Variants in PTPRD observed in about 807,000 individuals in gnomAD.
The protein encoded by PTPRD is protein tyrosine phosphatase receptor type D.
In PTPRD, 34 loss-of-function variants were observed where a neutral mutation model predicts 214.5. That is an observed-to-expected ratio of 0.16 (90% confidence interval 0.12 to 0.21). The LOEUF (loss-of-function observed/expected upper bound fraction) is 0.21. Ranked by LOEUF, PTPRD falls within the 10% of genes least tolerant of loss-of-function variation. PTPRD has a pLI of 1.00. For missense variants in PTPRD, 2,545 were observed against 2,398.7 expected (o/e 1.06, Z -1.27); for synonymous variants, 1,128 against 845.7 (o/e 1.33, Z -5.79).
intron 5 of PTPRD, among the ~76,000 whole-genome samples, chr9:9,848,229 G>C (rs959384523): frequency 1.3e-5 from 2 of 152,040 alleles, no homozygotes; most frequent in Non-Finnish European, 2.9e-5. Flanking sequence ...TAGCTGTAAA[G>C]CCACAGATTC....
chr9:9,797,764 C>G (rs939898555), intron 5 of PTPRD, among the ~76,000 whole-genome samples: 7 of 152,132 alleles, frequency 4.6e-5, no homozygotes, highest in African/African-American at 1.7e-4. Flanking sequence ...AGGAGATTCA[C>G]TTGACCCCAG....
At chr9:9,222,218 G>C (rs556759241) in intron 9 of PTPRD, among the ~76,000 whole-genome samples, 1 of 151,882 alleles carries the variant, frequency 6.6e-6, no homozygotes, top group Non-Finnish European at 1.5e-5. Context: ...GCCTGTGATA[G>C]ACCACTAGAT....
intron 12 of PTPRD, among the ~76,000 whole-genome samples, chr9:8,637,267 G>A (rs1227511804): frequency 6.6e-6 from 1 of 152,182 alleles, no homozygotes; most frequent in African/African-American, 2.4e-5. Flanking sequence ...CCACTGCTGA[G>A]CTATTAAAAT....
At chr9:8,484,014 C>G in intron 30 of PTPRD, 105 bp downstream of exon 30, 1 of 1,397,764 alleles carries the variant, frequency 7.2e-7, no homozygotes, top group Non-Finnish European at 9.6e-7. Context: ...GAATCTTTCA[C>G]TACATTAAGC....
chr9:9,535,195 G>A (rs189874360), intron 8 of PTPRD, among the ~76,000 whole-genome samples: 217 of 152,192 alleles, frequency 1.4e-3, no homozygotes, highest in African/African-American at 4.8e-3. Flanking sequence ...TTCCCCCAGA[G>A]AGACGAGACT....
In PTPRD at chr9:10,492,481, T is replaced by A. The variant is rs146276926; in HGVS notation, c.-600+119917A>T. ...GTGACCAGGGATGATTAGCTTTTTT[T>A]CATATGTTTATTGGCCACATAAATG... is the stretch of plus-strand genomic sequence containing the variant. On this transcript the variant is annotated intron_variant, in intron 2 of 45. Coordinates refer to ENST00000381196, the MANE Select transcript of PTPRD (RefSeq NM_002839.4). 6.3e-3 allele frequency among the ~76,000 whole-genome samples: 965 copies of A among 152,316 alleles called. 8 individuals carry two copies. Among genetic ancestry groups the A allele is most frequent in the African/African-American group, 0.021 (893 of 41,574 alleles).
At chr9:9,716,419 G>T (rs1171510602) in intron 7 of PTPRD, among the ~76,000 whole-genome samples, 2 of 151,808 alleles carry the variant, frequency 1.3e-5, no homozygotes, top group African/African-American at 4.8e-5. Flanking sequence ...GATCCCTGAG[G>T]AATCGCCACA....
At chr9:10,590,242 G>A (rs2075077857) in intron 2 of PTPRD, among the ~76,000 whole-genome samples, 1 of 151,988 alleles carries the variant, frequency 6.6e-6, no homozygotes, top group Admixed American at 6.6e-5. Context: ...ACAGGTAGTA[G>A]TTGGAAAATG....
intron 3 of PTPRD, among the ~76,000 whole-genome samples, chr9:10,180,698 T>C (rs961046160): frequency 6.6e-6 from 1 of 151,272 alleles, no homozygotes; most frequent in Non-Finnish European, 1.5e-5. Context: ...ATCAACAGTA[T>C]ATTATTAAAA....
intron 3 of PTPRD, among the ~76,000 whole-genome samples, chr9:10,143,052 C>T (rs2098997582): frequency 6.6e-6 from 1 of 151,906 alleles, no homozygotes; most frequent in Admixed American, 6.6e-5. Flanking sequence ...CATATTGTCA[C>T]TCATAGGTGG....
At chr9:10,122,302 C>T (rs764977535) in intron 3 of PTPRD, among the ~76,000 whole-genome samples, 1 of 151,960 alleles carries the variant, frequency 6.6e-6, no homozygotes, top group Non-Finnish European at 1.5e-5. Flanking sequence ...AGCAAAACTC[C>T]ATCTCAAAAA....
chr9:8,337,557 A>G (rs1224871407), intron 43 of PTPRD, among the ~76,000 whole-genome samples: 1 of 152,000 alleles, frequency 6.6e-6, no homozygotes, highest in Non-Finnish European at 1.5e-5. Flanking sequence ...AAATTATGTA[A>G]CAAACCTGCA....
intron 11 of PTPRD, among the ~76,000 whole-genome samples, chr9:8,762,749 G>C (rs980815467): frequency 6.6e-6 from 1 of 152,078 alleles, no homozygotes; most frequent in Non-Finnish European, 1.5e-5. Context: ...TAACCCATAG[G>C]AAAAACGTCT....
At chr9:8,604,593 C>T (rs915598811) in intron 14 of PTPRD, among the ~76,000 whole-genome samples, 10 of 152,242 alleles carry the variant, frequency 6.6e-5, no homozygotes, top group African/African-American at 2.4e-4. Flanking sequence ...AGTCAAGGAA[C>T]AGATGCCAAA....
At chr9:9,031,953 T>G (rs2154377295) in intron 10 of PTPRD, among the ~76,000 whole-genome samples, 1 of 152,196 alleles carries the variant, frequency 6.6e-6, no homozygotes, top group Middle Eastern at 3.4e-3. Context: ...TTGATTCTTT[T>G]ATATTTATTA....
chr9:9,509,023 T>TA (rs2096636261), intron 8 of PTPRD, among the ~76,000 whole-genome samples: 1 of 151,442 alleles, frequency 6.6e-6, no homozygotes, highest in Admixed American at 6.6e-5. Flanking sequence ...AATATGGTTG[T>TA]AAAACCTTTC....
intron 3 of PTPRD, among the ~76,000 whole-genome samples, chr9:10,238,217 G>A (rs564704119): frequency 7.9e-5 from 12 of 151,880 alleles, no homozygotes; most frequent in Admixed American, 2.0e-4. Flanking sequence ...GGCACATAAC[G>A]TTGCTTCAAT....
Position 8,564,159 on chromosome 9 carries a change from T to C in PTPRD, c.353-35380A>G, listed in dbSNP as rs1011153885. On this transcript the variant is annotated intron_variant, in intron 14 of 45. Coordinates refer to ENST00000381196, the MANE Select transcript of PTPRD (RefSeq NM_002839.4). ...TCTGGAGGATAAGCAACCAATACAC[T>C]ATATGTACTGTGTTTCCTGATTATT... Among the ~76,000 whole-genome samples the C allele has an allele frequency of 8.3e-3, 10 of 1,206 alleles. No homozygotes were observed. The African/African-American group carries it at 0.094, about 11-fold the overall frequency. 0.8% of individuals were successfully genotyped at this position (1,206 alleles called of 152,430 possible). A position where few individuals can be genotyped will look rare whatever the true frequency, so the allele number is the denominator to read the frequency against.
intron 8 of PTPRD, among the ~76,000 whole-genome samples, chr9:9,477,276 C>G (rs1274001792): frequency 6.6e-6 from 1 of 152,148 alleles, no homozygotes; most frequent in Non-Finnish European, 1.5e-5. Flanking sequence ...GTACTTGCCT[C>G]TAACCGTAAA....
Sources: gnomAD v4.1 joint callset for allele counts (sites outside exome capture counted in the v4.1 genomes callset) on GRCh38, gnomAD v4.1.1 for gene constraint, MANE v1.5 for transcripts, NCBI Gene and HGNC (gene_info 2026-07-23, HGNC 2026-07-21) for gene names.